PTPRO: variants seen among roughly 807,000 people sequenced by gnomAD.
PTPRO encodes the protein receptor-type tyrosine-protein phosphatase O.
Under a neutral mutation model 145.2 loss-of-function variants are expected in PTPRO, and 62 were observed. The observed-to-expected ratio is 0.43, with a 90% CI of 0.35 to 0.53. The LOEUF is 0.53. PTPRO is among the 20% of genes least tolerant of loss of function. The probability of loss-of-function intolerance (pLI) is 0.01; values close to 1 mark genes in which losing one functional copy is unlikely to be tolerated. For synonymous variants in PTPRO, 565 were observed against 514.7 expected (o/e 1.10, Z -1.32); for missense variants, 1,345 against 1,482.7 (o/e 0.91, Z 1.53).
At chr12:15,337,709 C>T (rs1866813029) in intron 1 of PTPRO, among the ~76,000 whole-genome samples, 1 of 152,172 alleles carries the variant, frequency 6.6e-6, no homozygotes, top group Admixed American at 6.5e-5. Context: ...TGTGGTGCAT[C>T]CATACCATAT....
intron 1 of PTPRO, among the ~76,000 whole-genome samples, chr12:15,449,806 C>T (rs999019805): frequency 6.6e-6 from 1 of 152,082 alleles, no homozygotes; most frequent in African/African-American, 2.4e-5. Context: ...AAAGAATGTA[C>T]AGGAACTCTC....
Position 15,501,730 on chromosome 12 carries a change from A to G in PTPRO, c.772A>G (p.Thr258Ala), listed in dbSNP as rs1942225515. 1 of 1,613,870 alleles carries G rather than the reference A, an allele frequency of 6.2e-7. No homozygotes were observed. ...PEESFMRSQDTIGKEKLFHFT... is the reference protein window; with the variant it reads ...PEESFMRSQDAIGKEKLFHFT... ...AGAATCCTTCATGAGATCACAAGAT[A>G]CAATAGGAAAAGAAAAACTCTTCCA... is the stretch of plus-strand genomic sequence containing the variant. The change falls in exon 5 of 27, where the codon ACA becomes GCA. Residue 258 changes from threonine to alanine, a missense_variant. By Grantham distance (58) the Thr-to-Ala change is moderately conservative. Around this residue, in one of 3 missense-constraint regions of PTPRO, gnomAD observed 1,130 missense variants for 1,214.7 expected, o/e 0.93. Coordinates refer to ENST00000281171, the MANE Select transcript of PTPRO (RefSeq NM_030667.3).
chr12:15,416,216 C>G (rs929099929), intron 1 of PTPRO, among the ~76,000 whole-genome samples: 1 of 151,534 alleles, frequency 6.6e-6, no homozygotes, highest in Admixed American at 6.6e-5. Flanking sequence ...ATGCCCTTGT[C>G]GTGTTGAATG....
At chr12:15,547,096 A>G (rs1367074338) in intron 13 of PTPRO, among the ~76,000 whole-genome samples, 1 of 152,232 alleles carries the variant, frequency 6.6e-6, no homozygotes, top group African/African-American at 2.4e-5. Flanking sequence ...CCTTCAAAAC[A>G]TTTTTATATG....
chr12:15,582,714 G>T (rs1418693829), intron 23 of PTPRO, among the ~76,000 whole-genome samples: 1 of 151,496 alleles, frequency 6.6e-6, no homozygotes, highest in Non-Finnish European at 1.5e-5. Context: ...GTTTTGTTTT[G>T]TTTTTTTTCT....
intron 1 of PTPRO, among the ~76,000 whole-genome samples, chr12:15,362,411 A>G (rs1938237834): frequency 2.0e-5 from 3 of 152,246 alleles, no homozygotes; most frequent in Non-Finnish European, 4.4e-5. Context: ...TTTGATTTTC[A>G]GAAGTTCAAT....
intron 15 of PTPRO, among the ~76,000 whole-genome samples, chr12:15,555,593 T>C (rs919905524): frequency 6.6e-6 from 1 of 152,148 alleles, no homozygotes; most frequent in Non-Finnish European, 1.5e-5. Context: ...CTCATAATAG[T>C]AATGGTGGAG....
chr12:15,354,631 T>C (rs1937925934), intron 1 of PTPRO, among the ~76,000 whole-genome samples: 4 of 152,190 alleles, frequency 2.6e-5, no homozygotes, highest in Admixed American at 2.6e-4. Context: ...ACTGCTTGTT[T>C]TTCTTCTACT....
chr12:15,592,288 T>G (rs774939515), intron 25 of PTPRO, among the ~76,000 whole-genome samples: 1 of 152,216 alleles, frequency 6.6e-6, no homozygotes, highest in Non-Finnish European at 1.5e-5. Flanking sequence ...GTTATTCTTT[T>G]CACATGTATC....
At chr12:15,562,726 G>A (rs1056096692) in intron 17 of PTPRO, among the ~76,000 whole-genome samples, 2 of 145,084 alleles carry the variant, frequency 1.4e-5, no homozygotes, top group Admixed American at 7.3e-5. Context: ...GCTATATCTA[G>A]ATTCAGTGTT....
intron 19 of PTPRO, among the ~76,000 whole-genome samples, chr12:15,576,395 A>T (rs1264037025): frequency 6.6e-6 from 1 of 152,238 alleles, no homozygotes; most frequent in African/African-American, 2.4e-5. Flanking sequence ...TTACAGCAGG[A>T]AGGCAACACA....
At chr12:15,463,593 A>T (rs980632749) in intron 1 of PTPRO, among the ~76,000 whole-genome samples, 2 of 152,198 alleles carry the variant, frequency 1.3e-5, no homozygotes, top group African/African-American at 4.8e-5. Context: ...GATGCAAAAT[A>T]TCAGTCTTAT....
chr12:15,495,931 C>T (rs1252046652), intron 2 of PTPRO, among the ~76,000 whole-genome samples: 1 of 151,998 alleles, frequency 6.6e-6, no homozygotes, highest in Non-Finnish European at 1.5e-5. Flanking sequence ...TAATCTACAA[C>T]ATGGGTCATT....
chr12:15,358,671 T>G (rs972505982), intron 1 of PTPRO, among the ~76,000 whole-genome samples: 1 of 152,230 alleles, frequency 6.6e-6, no homozygotes, highest in Non-Finnish European at 1.5e-5. Context: ...TAAGCAAAGA[T>G]AGAAGACAAA....
intron 8 of PTPRO, among the ~76,000 whole-genome samples, chr12:15,516,048 T>G (rs1320911962): frequency 7.1e-6 from 1 of 141,214 alleles, no homozygotes; most frequent in African/African-American, 2.6e-5. Flanking sequence ...TGGAATGCAG[T>G]GGTGCAATCT....
intron 1 of PTPRO, among the ~76,000 whole-genome samples, chr12:15,425,835 G>A (rs575183363): frequency 4.6e-5 from 7 of 151,800 alleles, no homozygotes; most frequent in South Asian, 2.1e-4. Flanking sequence ...TTTTAGCATT[G>A]AAATTGATGT....
At chr12:15,496,035 T>A (rs2136459556) in intron 2 of PTPRO, among the ~76,000 whole-genome samples, 1 of 152,176 alleles carries the variant, frequency 6.6e-6, no homozygotes, top group East Asian at 1.9e-4. Flanking sequence ...TAATCTGTAA[T>A]TTGAGAACAG....
chr12:15,499,681 T>C, intron 4 of PTPRO, 87 bp downstream of exon 4: 1 of 1,433,636 alleles, frequency 7.0e-7, no homozygotes, highest in South Asian at 1.2e-5. Flanking sequence ...AGAAATATTC[T>C]GATCCAGAGC....
chr12:15,592,550 C>T (rs562072415), intron 25 of PTPRO, among the ~76,000 whole-genome samples: 3 of 152,154 alleles, frequency 2.0e-5, no homozygotes, highest in Non-Finnish European at 4.4e-5. Flanking sequence ...CTGTGACCTG[C>T]CCTCTTCCTC....
Sources: allele counts gnomAD v4.1 joint callset (sites outside exome capture counted in the v4.1 genomes callset), GRCh38; gene constraint gnomAD v4.1.1; regional missense constraint gnomAD v4.1.1; transcripts MANE v1.5; gene names NCBI Gene and HGNC (gene_info 2026-07-23, HGNC 2026-07-21).